Variants in ABCC9 observed in about 807,000 individuals in gnomAD.
The protein encoded by ABCC9 is ATP-binding cassette sub-family C member 9.
ABCC9 carries 95 observed loss-of-function variants against 188.3 expected under a neutral mutation model. The ratio of observed to expected loss-of-function variants is 0.50; its 90% CI spans 0.43 to 0.60. The LOEUF (loss-of-function observed/expected upper bound fraction) is 0.60, where lower values mean the gene tolerates loss of function less well. Among genes scored for constraint, ABCC9 ranks in the 20% least tolerant of loss-of-function variants. The pLI is 0.00. For missense variants in ABCC9, 1,102 were observed against 1,876.3 expected, an observed-to-expected ratio of 0.59 and a Z score of 7.62; for synonymous variants, 659 against 652.7, an observed-to-expected ratio of 1.01 and a Z score of -0.15.
chr12:21,846,598 G>A (rs1944684243), intron 25 of ABCC9, among the ~76,000 whole-genome samples: 1 of 152,138 alleles, frequency 6.6e-6, no homozygotes, highest in African/African-American at 2.4e-5. Context: ...AGACCACAGG[G>A]ATCCAAATAT....
chr12:21,884,324 C>G (rs1356168924), intron 15 of ABCC9, among the ~76,000 whole-genome samples: 1 of 152,168 alleles, frequency 6.6e-6, no homozygotes, highest in Non-Finnish European at 1.5e-5. Context: ...CTGCCCATCT[C>G]AGCTTCCCGA....
At chr12:21,816,726 A>C (rs1425089002) in intron 33 of ABCC9, among the ~76,000 whole-genome samples, 1 of 152,124 alleles carries the variant, frequency 6.6e-6, no homozygotes, top group Non-Finnish European at 1.5e-5. Context: ...CTGTTGAAAA[A>C]TTTAGGTAAA....
intron 12 of ABCC9, among the ~76,000 whole-genome samples, chr12:21,895,859 C>T (rs704218): frequency 1 from 151,770 of 152,250 alleles, 75,647 homozygotes; most frequent in Middle Eastern, 1. Flanking sequence ...TTAACTGTCA[C>T]TGGATCAGCA....
In ABCC9 at chr12:21,805,343, G is replaced by A. The variant is rs746440506; in HGVS notation, c.4512+655C>T. ...AGAAAAATAGAAAAGAAGAGAATCA[G>A]CAGAAGGAAAAATGTCCAAGTGACT... On this transcript the variant is annotated intron_variant, in intron 39 of 39. Coordinates refer to ENST00000261200, the MANE Select transcript of ABCC9 (RefSeq NM_020297.4). 4 of 1,603,882 alleles carry A rather than the reference G, an allele frequency of 2.5e-6. No homozygotes were observed. In the African/African-American group the frequency reaches 4.0e-5, roughly 16 times the overall value.
chr12:21,876,122 C>T (rs941963689), intron 16 of ABCC9, among the ~76,000 whole-genome samples: 2 of 152,048 alleles, frequency 1.3e-5, no homozygotes, highest in Non-Finnish European at 2.9e-5. Flanking sequence ...GAACACACAA[C>T]GGTGAAATTC....
chr12:21,805,421 A>G (rs1040916501), intron 39 of ABCC9: 1 of 1,036,232 alleles, frequency 9.7e-7, no homozygotes, highest in Non-Finnish European at 1.4e-6. Context: ...GCAAGAATCC[A>G]CTTGCAAAGA....
rs1018017633 is a variant in ABCC9, at chr12:21,822,632, T to C, written c.3670-4381A>G. Among the ~76,000 whole-genome samples, 14 of 151,574 alleles carry C rather than the reference T, an allele frequency of 9.2e-5. No individual in the cohort carries two copies. In the East Asian group the frequency reaches 1.8e-3, roughly 19 times the overall value. ...GGCTAACACAGTGAAACCCCATCTCTACACAAAAATTAGCTGGGTGTGATG... is the reference window on the plus strand; with the variant it reads ...GGCTAACACAGTGAAACCCCATCTCCACACAAAAATTAGCTGGGTGTGATG... On this transcript the variant is annotated intron_variant, in intron 31 of 39. Transcript: ENST00000261200.
intron 11 of ABCC9, 21 bp downstream of exon 11, chr12:21,908,056 T>C: frequency 6.2e-7 from 1 of 1,610,314 alleles, no homozygotes; most frequent in Non-Finnish European, 8.5e-7. Flanking sequence ...TGTAATTAAG[T>C]TTCCAAAAGA....
rs1466485170 is a variant in ABCC9, at chr12:21,916,786, G to A, written c.573+151C>T. The A allele has an allele frequency of 6.6e-6, 4 of 605,578 alleles. No homozygotes were observed. In the African/African-American group the frequency reaches 7.7e-5, roughly 12 times the overall value. The allele number at this position is 605,578 out of a possible 1,614,324, so 37.5% of individuals were successfully genotyped here. ...GAGATTTCTGAAACATTAATGGCCT[G>A]AATTTAGTGATTAGTTCAACTTTAT... On this transcript the variant is annotated intron_variant, in intron 6 of 39. Coordinates refer to ENST00000261200, the MANE Select transcript of ABCC9 (RefSeq NM_020297.4).
intron 34 of ABCC9, 39 bp from the exon 35 acceptor site, chr12:21,814,761 G>A: frequency 6.5e-7 from 1 of 1,538,288 alleles, no homozygotes; most frequent in African/African-American, 1.4e-5. Flanking sequence ...AGAGGACTCA[G>A]AAAAGGACAG....
At chr12:21,833,901 C>T (rs1387324287) in intron 30 of ABCC9, among the ~76,000 whole-genome samples, 1 of 152,128 alleles carries the variant, frequency 6.6e-6, no homozygotes, top group African/African-American at 2.4e-5. Flanking sequence ...AGTTCATTAT[C>T]CTCTTAAAAA....
intron 39 of ABCC9, chr12:21,805,207 G>T: frequency 1.2e-6 from 2 of 1,613,990 alleles, no homozygotes; most frequent in South Asian, 2.2e-5. Flanking sequence ...TGGAAAAGAG[G>T]CCATTCTTGT....
intron 31 of ABCC9, among the ~76,000 whole-genome samples, chr12:21,818,524 A>ATGTG (rs1359501615): frequency 1.1e-3 from 137 of 125,038 alleles, no homozygotes; most frequent in African/African-American, 3.9e-3. Flanking sequence ...AGATATATAT[A>ATGTG]TATGTGTGTG....
intron 15 of ABCC9, 94 bp from the exon 16 acceptor site, chr12:21,882,967 G>A: frequency 1.1e-6 from 1 of 929,602 alleles, no homozygotes; most frequent in Admixed American, 1.8e-5. Context: ...TAAGTTCCAA[G>A]AAAAAGAAGT....
chr12:21,841,334 T>C (rs1301116530), intron 29 of ABCC9, among the ~76,000 whole-genome samples: 1 of 145,864 alleles, frequency 6.9e-6, no homozygotes, highest in African/African-American at 2.5e-5. Flanking sequence ...TTTGGGATTA[T>C]GTTTCTGGTT....
intron 39 of ABCC9, among the ~76,000 whole-genome samples, chr12:21,802,327 A>G (rs548375718): frequency 7.9e-5 from 12 of 152,332 alleles, no homozygotes; most frequent in African/African-American, 2.6e-4. Flanking sequence ...TTTATAAATT[A>G]GAAAGGAAAG....
intron 33 of ABCC9, 108 bp downstream of exon 33, chr12:21,817,079 T>C (rs1942695631): frequency 1.6e-6 from 2 of 1,255,090 alleles, no homozygotes; most frequent in South Asian, 1.2e-5. Context: ...GAGAGTTTTC[T>C]GGATACTGAA....
At chr12:21,922,058 T>C (rs889066946) in intron 5 of ABCC9, among the ~76,000 whole-genome samples, 11 of 152,182 alleles carry the variant, frequency 7.2e-5, no homozygotes, top group African/African-American at 2.4e-4. Context: ...AGGTCTTTTA[T>C]GGCTGCCTAT....
At chr12:21,924,654 TA>T (rs1948978453) in intron 5 of ABCC9, 1 of 152,086 alleles carries the variant, frequency 6.6e-6, no homozygotes, top group Admixed American at 6.6e-5. Context: ...TATTAATATC[TA>T]AATTCCTTTC....
Sources: gnomAD v4.1 joint callset for allele counts (sites outside exome capture counted in the v4.1 genomes callset) on GRCh38, gnomAD v4.1.1 for gene constraint, MANE v1.5 for transcripts, NCBI Gene and HGNC (gene_info 2026-07-23, HGNC 2026-07-21) for gene names.